The following TLL1 variants were observed in gnomAD, a reference collection of about 807,000 sequenced individuals.
The protein encoded by TLL1 is tolloid-like protein 1.
TLL1 carries 49 observed loss-of-function variants against 128.2 expected under a neutral mutation model. That is an observed-to-expected ratio of 0.38 (90% CI 0.30 to 0.48). The LOEUF is 0.48. TLL1 is among the 20% of genes least tolerant of loss of function. The probability of loss-of-function intolerance (pLI) is 0.96; values close to 1 mark genes in which losing one functional copy is unlikely to be tolerated. For missense variants in TLL1, 1,123 were observed against 1,242.0 expected (o/e 0.90, Z 1.44); for synonymous variants, 454 against 418.8 (o/e 1.08, Z -1.03).
At chr4:165,903,733 T>TCATA (rs1554005423) in intron 1 of TLL1, among the ~76,000 whole-genome samples, 5 of 144,804 alleles carry the variant, frequency 3.5e-5, no homozygotes, top group Admixed American at 7.0e-5. Context: ...TAAGTTCTTA[T>TCATA]CACACACACA....
At chr4:165,998,217 G>C (rs146512566) in intron 5 of TLL1, among the ~76,000 whole-genome samples, 1 of 152,202 alleles carries the variant, frequency 6.6e-6, no homozygotes, top group Non-Finnish European at 1.5e-5. Context: ...TTTTATGATA[G>C]AGATTGATTT....
At chr4:166,012,506 C>T (rs1737742226) in intron 7 of TLL1, among the ~76,000 whole-genome samples, 2 of 150,256 alleles carry the variant, frequency 1.3e-5, no homozygotes, top group African/African-American at 4.8e-5. Flanking sequence ...AATCGAACCC[C>T]AGAGGCCACA....
At chr4:165,984,604 G>T (rs1057488297) in intron 1 of TLL1, among the ~76,000 whole-genome samples, 6 of 151,880 alleles carry the variant, frequency 4.0e-5, no homozygotes, top group Admixed American at 2.0e-4. Context: ...AAAGCAGAAA[G>T]CTTAAACTGT....
At chr4:166,047,126 T>C (rs1327352133) in intron 12 of TLL1, among the ~76,000 whole-genome samples, 1 of 152,132 alleles carries the variant, frequency 6.6e-6, no homozygotes, top group African/African-American at 2.4e-5. Context: ...CTGATTCTAG[T>C]CTTTGCCTTG....
chr4:165,907,950 C>T (rs995992910), intron 1 of TLL1, among the ~76,000 whole-genome samples: 1 of 152,156 alleles, frequency 6.6e-6, no homozygotes, highest in East Asian at 1.9e-4. Flanking sequence ...TTCCAACAAA[C>T]ACTGCTATAG....
rs1234703820 is a variant in TLL1 at position 166,065,706 on chromosome 4, G to T, written c.2031G>T (p.Glu677Asp). ...GNEVCKYDYV[E>D]IWSGLSSESK... ...AGGTTTGCAAATATGATTATGTGGA[G>T]ATCTGGAGTGGTCTTTCCTCTGAGT... The change falls in exon 16 of 21, where the codon GAG becomes GAT. Residue 677 changes from glutamate (E) to aspartate (D), a missense_variant. Glu to Asp is a conservative substitution (Grantham distance 45, BLOSUM62 2). Transcript: ENST00000061240. 1 of 1,612,852 alleles carries T rather than the reference G, an allele frequency of 6.2e-7. No individual in the cohort carries two copies. Among genetic ancestry groups the T allele is most frequent in the Non-Finnish European group, 8.5e-7 (1 of 1,179,292 alleles).
rs185055268 is a variant in TLL1 at position 165,937,556 on chromosome 4, T to C, written c.170-51825T>C. Reference sequence around the variant, plus strand: ...TACAATATTTTCTTCTCTCTAACCCTCATTTATTTTTATTCTGCAAGTGAT... The same window carrying C: ...TACAATATTTTCTTCTCTCTAACCCCCATTTATTTTTATTCTGCAAGTGAT... On this transcript the variant is annotated intron_variant, in intron 1 of 20. Transcript: ENST00000061240. 5.8e-4 allele frequency among the ~76,000 whole-genome samples: 88 copies of C among 152,294 alleles called. No homozygotes were observed. The East Asian group carries it at 0.016, about 27-fold the overall frequency.
At chr4:166,046,729 G>A (rs1739473689) in intron 12 of TLL1, among the ~76,000 whole-genome samples, 2 of 152,166 alleles carry the variant, frequency 1.3e-5, no homozygotes, top group African/African-American at 4.8e-5. Context: ...TAAGAGTTCA[G>A]TATTAATAAA....
chr4:165,933,316 A>C (rs908279374), intron 1 of TLL1, among the ~76,000 whole-genome samples: 1 of 152,048 alleles, frequency 6.6e-6, no homozygotes, highest in African/African-American at 2.4e-5. Context: ...AGGACGCCTC[A>C]GATCTGAGTG....
At chr4:165,887,672 ATTAAC>A (rs1363641146) in intron 1 of TLL1, among the ~76,000 whole-genome samples, 5 of 152,134 alleles carry the variant, frequency 3.3e-5, no homozygotes, top group Admixed American at 3.3e-4. Context: ...TGTATGCCAT[ATTAAC>A]TTTGAAATCA....
rs367951757 is a variant in TLL1, at chr4:165,905,247, C to A, written c.169+31174C>A. On this transcript the variant is annotated intron_variant, in intron 1 of 20. Coordinates refer to ENST00000061240, the MANE Select transcript of TLL1 (RefSeq NM_012464.5). ...AAATGAAAGCATATGTCCCTACAAA[C>A]CTTTATTCACAATAATTTTATACCT... is the stretch of plus-strand genomic sequence containing the variant. Among the ~76,000 whole-genome samples, 21 of 152,304 alleles carry A rather than the reference C, an allele frequency of 1.4e-4. 1 individual carries two copies. Among genetic ancestry groups the A allele is most frequent in the Admixed American group, 4.6e-4 (7 of 15,300 alleles).
chr4:166,096,210 G>GGGGT (rs767016227), intron 19 of TLL1, among the ~76,000 whole-genome samples: 1 of 145,480 alleles, frequency 6.9e-6, no homozygotes, highest in African/African-American at 2.5e-5. Context: ...TTCTGTCATG[G>GGGGT]GTGTGTGTGT....
At chr4:165,896,479 C>CTTTTTTTTTTTTTTTTTTTTTTT (rs70955648) in intron 1 of TLL1, among the ~76,000 whole-genome samples, 3 of 102,164 alleles carry the variant, frequency 2.9e-5, no homozygotes, top group South Asian at 3.8e-4. Flanking sequence ...AATGGTATTT[C>CTTTTTTTTTTTTTTTTTTTTTTT]TTTTTTTTTT....
intron 8 of TLL1, 68 bp from the exon 9 acceptor site, chr4:166,025,248 C>A: frequency 1.7e-6 from 2 of 1,186,796 alleles, no homozygotes; most frequent in Non-Finnish European, 2.5e-6. Context: ...CCCTTCATGG[C>A]TTTGTTTATG....
At chr4:166,062,695 T>C (rs1469551602) in intron 15 of TLL1, among the ~76,000 whole-genome samples, 4 of 152,276 alleles carry the variant, frequency 2.6e-5, no homozygotes, top group African/African-American at 9.6e-5. Flanking sequence ...CTTTTCCTAA[T>C]TGAATACCCT....
At chr4:166,034,485 C>G (rs188840750) in intron 9 of TLL1, among the ~76,000 whole-genome samples, 3 of 151,802 alleles carry the variant, frequency 2.0e-5, no homozygotes, top group Non-Finnish European at 1.5e-5. Flanking sequence ...TGACTAGAGT[C>G]ATTGATTCCA....
At chr4:165,946,620 G>A (rs895966782) in intron 1 of TLL1, among the ~76,000 whole-genome samples, 4 of 151,568 alleles carry the variant, frequency 2.6e-5, no homozygotes, top group Non-Finnish European at 4.4e-5. Context: ...AATTATAGGC[G>A]TGAGCCATGG....
intron 1 of TLL1, among the ~76,000 whole-genome samples, chr4:165,971,127 A>G (rs1735609568): frequency 6.6e-6 from 1 of 152,252 alleles, no homozygotes; most frequent in Admixed American, 6.5e-5. Flanking sequence ...GATTATAATT[A>G]TTCTTCACTG....
intron 19 of TLL1, among the ~76,000 whole-genome samples, chr4:166,093,328 T>G (rs1362246538): frequency 6.6e-6 from 1 of 152,104 alleles, no homozygotes; most frequent in Non-Finnish European, 1.5e-5. Flanking sequence ...AGAAAACTTG[T>G]GAGCAAAGGA....
Sources: allele counts gnomAD v4.1 joint callset (sites outside exome capture counted in the v4.1 genomes callset), GRCh38; gene constraint gnomAD v4.1.1; transcripts MANE v1.5; gene names NCBI Gene and HGNC (gene_info 2026-07-23, HGNC 2026-07-21).